Variants in PDXDC1 observed in about 807,000 individuals in gnomAD.
PDXDC1 encodes pyridoxal dependent decarboxylase domain containing 1.
Under a neutral mutation model 100.1 loss-of-function variants are expected in PDXDC1, and 42 were observed. The ratio of observed to expected loss-of-function variants is 0.42; its 90% CI spans 0.33 to 0.54. PDXDC1 has a LOEUF of 0.54. Ranked by LOEUF, PDXDC1 falls within the 20% of genes least tolerant of loss-of-function variation. The probability of loss-of-function intolerance (pLI) is 0.10; values close to 1 mark genes in which losing one functional copy is unlikely to be tolerated. For synonymous variants in PDXDC1, 260 were observed against 371.7 expected (o/e 0.70, Z 3.46); for missense variants, 636 against 979.2 (o/e 0.65, Z 4.68).
intron 16 of PDXDC1, among the ~76,000 whole-genome samples, chr16:15,083,315 C>T (rs2045780390): frequency 6.6e-6 from 1 of 152,112 alleles, no homozygotes; most frequent in East Asian, 1.9e-4. Flanking sequence ...AGGAGAATCG[C>T]TTGAACCCGA....
At chr16:15,122,150 T>A (rs2047452398) in intron 16 of PDXDC1, among the ~76,000 whole-genome samples, 2 of 151,976 alleles carry the variant, frequency 1.3e-5, no homozygotes, top group South Asian at 4.2e-4. Flanking sequence ...GGCGACAGAG[T>A]GAGACTCTGT....
intron 16 of PDXDC1, among the ~76,000 whole-genome samples, chr16:15,078,077 C>T (rs2045542465): frequency 6.6e-6 from 1 of 152,146 alleles, no homozygotes; most frequent in Non-Finnish European, 1.5e-5. Flanking sequence ...TCAAACCATG[C>T]CATTTTTTAT....
intron 16 of PDXDC1, chr16:15,131,427 C>T (rs1269623025): frequency 3.7e-5 from 60 of 1,608,456 alleles, no homozygotes; most frequent in Middle Eastern, 4.5e-4. Flanking sequence ...TAGCCGGGGC[C>T]CTGCTGAAAG....
In PDXDC1 at chr16:15,047,312, C is replaced by G; in HGVS notation, c.1399+17256C>G. On this transcript the variant is annotated intron_variant, in intron 16 of 16. Coordinates refer to the PDXDC1 transcript ENST00000535621. ...CGCAGTGCCCACGTCGTGCCAGGTTCTGTTCCAGGGGAACGAGGCAGACAC... is the reference window on the plus strand; with the variant it reads ...CGCAGTGCCCACGTCGTGCCAGGTTGTGTTCCAGGGGAACGAGGCAGACAC... 8.8e-6 allele frequency: 6 copies of G among 683,306 alleles called. No individual in the cohort carries two copies. In the South Asian group the frequency reaches 1.0e-4, roughly 12 times the overall value. The allele number at this position is 683,306 out of a possible 1,614,324, so 42.3% of individuals were successfully genotyped here.
intron 14 of PDXDC1, among the ~76,000 whole-genome samples, chr16:15,028,475 C>T (rs575348008): frequency 3.2e-4 from 49 of 152,396 alleles, no homozygotes; most frequent in South Asian, 2.9e-3. Flanking sequence ...TGACAGAAAC[C>T]TTACCTGCCT....
chr16:15,142,882 C>T (rs1414105962), downstream of PDXDC1, among the ~76,000 whole-genome samples: 3 of 152,046 alleles, frequency 2.0e-5, no homozygotes, highest in Non-Finnish European at 2.9e-5. Context: ...GACCACCGAG[C>T]GGCCCTAAGC....
chr16:15,030,557 A>AAG (rs2042986255), intron 16 of PDXDC1, among the ~76,000 whole-genome samples: 2 of 149,386 alleles, frequency 1.3e-5, no homozygotes, highest in Admixed American at 6.6e-5. Context: ...AAAAAAAAAA[A>AAG]AAAAAAAAAA....
intron 16 of PDXDC1, chr16:15,131,685 G>A: frequency 1.9e-6 from 3 of 1,563,060 alleles, no homozygotes; most frequent in East Asian, 2.3e-5. Flanking sequence ...GCACGTCTGA[G>A]CTGGCCAGGT....
intron 16 of PDXDC1, chr16:15,086,130 A>C (rs1433823219): frequency 6.2e-7 from 1 of 1,605,358 alleles, no homozygotes; most frequent in East Asian, 2.2e-5. Context: ...ATGACTTACG[A>C]GGCACAAAAT....
intron 16 of PDXDC1, among the ~76,000 whole-genome samples, chr16:15,051,395 C>T (rs55727637): frequency 0.3 from 45,505 of 152,156 alleles, 7,345 homozygotes; most frequent in Admixed American, 0.45. Context: ...TACTGTCTCC[C>T]AGGCTGGAGT....
chr16:15,103,444 T>A, intron 16 of PDXDC1: 2 of 633,000 alleles, frequency 3.2e-6, no homozygotes, highest in Non-Finnish European at 5.6e-6. Flanking sequence ...CCTGTGGCAA[T>A]AACCACTGCT....
Position 15,074,446 on chromosome 16 carries a change from G to A in PDXDC1, c.1399+44390G>A, listed in dbSNP as rs760434096. On this transcript the variant is annotated intron_variant, in intron 16 of 16. Transcript: ENST00000535621. Reference sequence around the variant, plus strand: ...CTTCAGTGCATTCAGCAACTTGAGCGTAATTTGATCTAAAACTGGCCAAAC... The same window carrying A: ...CTTCAGTGCATTCAGCAACTTGAGCATAATTTGATCTAAAACTGGCCAAAC... Among the ~76,000 whole-genome samples, 109 of 152,148 alleles carry A rather than the reference G, an allele frequency of 7.2e-4. 1 individual carries two copies. Among genetic ancestry groups the A allele is most frequent in the Non-Finnish European group, 3.4e-4 (23 of 68,010 alleles).
chr16:15,064,029 C>T lies in PDXDC1; in HGVS notation c.1399+33973C>T, dbSNP rs1397547464. Among the ~76,000 whole-genome samples the T allele has an allele frequency of 3.3e-5, 5 of 152,150 alleles. No individual in the cohort carries two copies. The South Asian group carries it at 8.3e-4, about 25-fold the overall frequency. ...TTTCAGTCAACCAAGACTTCAGGGA[C>T]CAGACAATCCCAGATGGTCATGATG... On this transcript the variant is annotated intron_variant, in intron 16 of 16. Coordinates refer to the PDXDC1 transcript ENST00000535621.
rs146348493 is a variant in PDXDC1, at chr16:15,074,826, A to G, written c.1399+44770A>G. 12 of 1,613,172 alleles carry G rather than the reference A, an allele frequency of 7.4e-6. No individual in the cohort carries two copies. In the African/African-American group the frequency reaches 1.2e-4, roughly 16 times the overall value. On this transcript the variant is annotated intron_variant, in intron 16 of 16. Coordinates refer to the PDXDC1 transcript ENST00000535621. ...CCATCTGGTCGAGCCGTTCAGGACC[A>G]GCCTTTGTTTCATGTTCAGTTTCTT...
At chr16:15,010,943 C>G (rs975463747) in intron 8 of PDXDC1, among the ~76,000 whole-genome samples, 2 of 152,274 alleles carry the variant, frequency 1.3e-5, no homozygotes, top group Admixed American at 1.3e-4. Flanking sequence ...TCAAGAAGAC[C>G]CAAGAACGAT....
intron 13 of PDXDC1, among the ~76,000 whole-genome samples, chr16:15,023,252 C>G (rs1406580660): frequency 6.6e-6 from 1 of 152,282 alleles, no homozygotes; most frequent in African/African-American, 2.4e-5. Context: ...ACAGATTGTT[C>G]CCTAGGCATA....
Position 15,029,076 on chromosome 16 carries a change from A to C in PDXDC1, c.1293+110A>C, listed in dbSNP as rs371154851. On this transcript the variant is annotated intron_variant, in intron 15 of 22. Transcript: ENST00000396410. ...TATGGGAACTGAGGCCCACAGGAGG[A>C]GCCGCCCTGCCAGTGCTGGGCCTGC... 4 of 1,258,492 alleles carry C rather than the reference A, an allele frequency of 3.2e-6. No homozygotes were observed. The African/African-American group carries it at 6.0e-5, about 19-fold the overall frequency. 78.0% of individuals were successfully genotyped at this position (1,258,492 alleles called of 1,614,324 possible).
the PDXDC1 span, among the ~76,000 whole-genome samples, chr16:15,148,778 C>CT: frequency 2.0e-5 from 3 of 152,056 alleles, no homozygotes; most frequent in African/African-American, 7.2e-5. Flanking sequence ...CAGGTGCTCT[C>CT]TGTCTCCACA....
intron 12 of PDXDC1, among the ~76,000 whole-genome samples, chr16:15,021,428 A>G (rs1426850342): frequency 7.9e-5 from 12 of 152,290 alleles, no homozygotes; most frequent in Admixed American, 5.9e-4. Context: ...TATGTTTACA[A>G]AAGCACTGCA....
Sources: allele counts gnomAD v4.1 joint callset (sites outside exome capture counted in the v4.1 genomes callset), GRCh38; gene constraint gnomAD v4.1.1; transcripts MANE v1.5; gene names NCBI Gene and HGNC (gene_info 2026-07-23, HGNC 2026-07-21).